The following SELENOF variants were observed in gnomAD, a reference collection of about 807,000 sequenced individuals.
SELENOF encodes the protein selenoprotein F.
In SELENOF, 16 loss-of-function variants were observed where a neutral mutation model predicts 20.5. The ratio of observed to expected loss-of-function variants is 0.78; its 90% CI spans 0.53 to 1.19. The LOEUF (loss-of-function observed/expected upper bound fraction) is 1.19. Among genes scored for constraint, SELENOF ranks in the 50% most tolerant of loss-of-function variants. The probability of loss-of-function intolerance (pLI) is 0.00; values close to 1 mark genes in which losing one functional copy is unlikely to be tolerated. For synonymous variants in SELENOF, 78 were observed against 74.5 expected (o/e 1.05, Z -0.24); for missense variants, 215 against 194.2 (o/e 1.11, Z -0.64).
intron 2 of SELENOF, among the ~76,000 whole-genome samples, chr1:86,886,237 T>C (rs1659212724): frequency 6.6e-6 from 1 of 152,112 alleles, no homozygotes; most frequent in Non-Finnish European, 1.5e-5. Context: ...GATCCATGCA[T>C]CAGTATTTTT....
intron 3 of SELENOF, among the ~76,000 whole-genome samples, chr1:86,877,119 T>C (rs527391352): frequency 2.0e-5 from 3 of 152,330 alleles, no homozygotes; most frequent in East Asian, 3.9e-4. Flanking sequence ...ATTACTGGAA[T>C]AGTGATTGTC....
intron 1 of SELENOF, among the ~76,000 whole-genome samples, chr1:86,904,665 T>C (rs1659786424): frequency 1.3e-5 from 2 of 152,208 alleles, no homozygotes; most frequent in African/African-American, 4.8e-5. Flanking sequence ...GTTTCTATTA[T>C]CTTTATTTTT....
chr1:86,869,842 T>G (rs563888769), intron 3 of SELENOF, among the ~76,000 whole-genome samples: 8 of 152,088 alleles, frequency 5.3e-5, no homozygotes, highest in Admixed American at 4.6e-4. Context: ...TGGCGCAATC[T>G]CGGCTCACTG....
intron 2 of SELENOF, among the ~76,000 whole-genome samples, chr1:86,902,054 A>G (rs1271292978): frequency 6.6e-6 from 1 of 152,228 alleles, no homozygotes; most frequent in Non-Finnish European, 1.5e-5. Context: ...AGATTTATTC[A>G]GCAATTTGTC....
intron 2 of SELENOF, among the ~76,000 whole-genome samples, chr1:86,891,482 T>C (rs1175153248): frequency 6.6e-6 from 1 of 152,230 alleles, no homozygotes; most frequent in African/African-American, 2.4e-5. Flanking sequence ...GGAAATGCAG[T>C]TGTAAGGCAG....
chr1:86,881,743 A>G (rs1659075525), intron 2 of SELENOF, among the ~76,000 whole-genome samples: 1 of 152,194 alleles, frequency 6.6e-6, no homozygotes, highest in African/African-American at 2.4e-5. Context: ...GTGACCTAAA[A>G]AGACAATGAT....
intron 4 of SELENOF, 46 bp downstream of exon 4, chr1:86,868,007 A>G: frequency 1.2e-6 from 1 of 837,594 alleles, no homozygotes; most frequent in South Asian, 2.5e-5. Context: ...TATAAAATAA[A>G]GAAATTAAGG....
chr1:86,912,944 T>C (rs1407131), intron 1 of SELENOF, among the ~76,000 whole-genome samples: 18,679 of 152,116 alleles, frequency 0.12, 1,228 homozygotes, highest in Non-Finnish European at 0.14. Flanking sequence ...TTATCTCGAA[T>C]GACCTAAAGA....
intron 2 of SELENOF, among the ~76,000 whole-genome samples, chr1:86,899,837 G>A (rs1329017322): frequency 2.7e-5 from 4 of 149,520 alleles, no homozygotes; most frequent in South Asian, 2.1e-4. Flanking sequence ...CAGACGGGGC[G>A]GTTGCCAGGC....
At chr1:86,887,294 C>A in intron 2 of SELENOF, 1 of 1,297,974 alleles carries the variant, frequency 7.7e-7, no homozygotes, top group Non-Finnish European at 1.0e-6. Context: ...AATTACTACT[C>A]ATCTTGGAGT....
At position 86,891,818 on chromosome 1, in the gene SELENOF, C is replaced by G. The variant is rs539311395; in HGVS notation, c.253-11093G>C. On this transcript the variant is annotated intron_variant, in intron 2 of 4. Coordinates refer to ENST00000331835, the MANE Select transcript of SELENOF (RefSeq NM_004261.5). ...AAATAAAGATAATAATGGAATTTAC[C>G]GAGTTGTTGTGAGGTTCTATAAATT... is the stretch of plus-strand genomic sequence containing the variant. Among the ~76,000 whole-genome samples, 8 of 151,964 alleles carry G rather than the reference C, an allele frequency of 5.3e-5. No individual in the cohort carries two copies. The East Asian group carries it at 1.5e-3, about 29-fold the overall frequency.
intron 2 of SELENOF, among the ~76,000 whole-genome samples, chr1:86,898,889 G>T (rs1421265278): frequency 6.6e-6 from 1 of 150,488 alleles, no homozygotes; most frequent in African/African-American, 2.4e-5. Context: ...AGATAAACAA[G>T]TGAACAAAGG....
intron 2 of SELENOF, among the ~76,000 whole-genome samples, chr1:86,885,675 TTTAAG>T (rs1316037742): frequency 3.9e-5 from 6 of 152,196 alleles, no homozygotes; most frequent in Admixed American, 6.5e-5. Flanking sequence ...AAACTAATTA[TTTAAG>T]TTGAGTCAAA....
intron 4 of SELENOF, 121 bp from the exon 5 acceptor site, chr1:86,863,726 G>A (rs1658521240): frequency 5.1e-6 from 4 of 789,880 alleles, no homozygotes; most frequent in Admixed American, 3.5e-5. Context: ...TTTTAGACAT[G>A]ACAATAAACA....
chr1:86,913,243 G>A (rs72722262), intron 1 of SELENOF, among the ~76,000 whole-genome samples: 1 of 152,116 alleles, frequency 6.6e-6, no homozygotes, highest in Non-Finnish European at 1.5e-5. Flanking sequence ...ATTAAGCTAG[G>A]ATAAAAAAAC....
At chr1:86,883,243 G>C (rs1381975965) in intron 2 of SELENOF, among the ~76,000 whole-genome samples, 2 of 152,116 alleles carry the variant, frequency 1.3e-5, no homozygotes, top group African/African-American at 4.8e-5. Context: ...GTTTAAATGA[G>C]GTAACTAGAG....
chr1:86,868,155 C>T (rs929523792), intron 3 of SELENOF, 53 bp from the exon 4 acceptor site: 13 of 829,636 alleles, frequency 1.6e-5, no homozygotes, highest in African/African-American at 5.3e-5. Flanking sequence ...TCCAAGCTAG[C>T]TAAAAAGATT....
chr1:86,879,866 A>G (rs1472196082), intron 3 of SELENOF, among the ~76,000 whole-genome samples: 2 of 152,236 alleles, frequency 1.3e-5, no homozygotes, highest in Admixed American at 1.3e-4. Flanking sequence ...ATTCCCTGTG[A>G]AGATATATAC....
Position 86,880,649 on chromosome 1 carries a change from A to T in SELENOF, c.316+13T>A. The T allele has an allele frequency of 1.3e-6, 2 of 1,525,006 alleles. No individual in the cohort carries two copies. Among genetic ancestry groups the T allele is most frequent in the Non-Finnish European group, 1.8e-6 (2 of 1,118,054 alleles). 94.5% of individuals were successfully genotyped at this position (1,525,006 alleles called of 1,614,324 possible). On this transcript the variant is annotated intron_variant, in intron 3 of 4. Transcript: ENST00000331835. ...AAATGACTGAACAGTTTACTGGAGTAAATTTTATATACCTTGGACTTGAGG... is the reference window on the plus strand; with the variant it reads ...AAATGACTGAACAGTTTACTGGAGTTAATTTTATATACCTTGGACTTGAGG...
Sources: gnomAD v4.1 joint callset for allele counts (sites outside exome capture counted in the v4.1 genomes callset) on GRCh38, gnomAD v4.1.1 for gene constraint, MANE v1.5 for transcripts, NCBI Gene and HGNC (gene_info 2026-07-23, HGNC 2026-07-21) for gene names.